Variants in ANKRD17 observed in about 807,000 individuals in gnomAD.
The protein encoded by ANKRD17 is ankyrin repeat domain 17.
Under a neutral mutation model 229.7 loss-of-function variants are expected in ANKRD17, and 19 were observed. The observed-to-expected ratio is 0.08, with a 90% confidence interval of 0.06 to 0.12. The LOEUF is 0.12. ANKRD17 is among the 10% of genes least tolerant of loss of function. The pLI, the probability that ANKRD17 is intolerant of heterozygous loss-of-function variation, is 1.00. For missense variants in ANKRD17, 2,176 were observed against 3,176.8 expected (o/e 0.68, Z 7.57); for synonymous variants, 1,112 against 1,146.1 (o/e 0.97, Z 0.60).
intron 30 of ANKRD17, among the ~76,000 whole-genome samples, chr4:73,080,254 A>G (rs1317853989): frequency 1.3e-5 from 2 of 152,218 alleles, no homozygotes; most frequent in African/African-American, 2.4e-5. Context: ...AGCCTATTAT[A>G]TAAGATAAAA....
At position 73,073,556 on chromosome 4, in the gene ANKRD17, G is replaced by A. The variant is rs1720842573; in HGVS notation, c.*2675C>T. On this transcript the variant is annotated 3_prime_UTR_variant, in exon 34 of 34. Transcript: ENST00000358602. ...ACGGATGGACTATTATTTTTGTGAA[G>A]AACAAGACAGGATTAGTTAATAAGC... is the stretch of plus-strand genomic sequence containing the variant. 6.6e-6 allele frequency: 1 copy of A among 151,922 alleles called. No individual in the cohort carries two copies. Among genetic ancestry groups the A allele is most frequent in the Non-Finnish European group, 1.5e-5 (1 of 67,866 alleles). The allele number at this position is 151,922 out of a possible 1,614,324, so 9.4% of individuals were successfully genotyped here. A position where few individuals can be genotyped will look rare whatever the true frequency, so the allele number is the denominator to read the frequency against.
At chr4:73,170,543 G>A (rs953888794) in intron 2 of ANKRD17, among the ~76,000 whole-genome samples, 29 of 150,862 alleles carry the variant, frequency 1.9e-4, no homozygotes, top group African/African-American at 5.3e-4. Context: ...GTCGGGGGGC[G>A]GGGGGCTGTT....
chr4:73,077,571 T>G, intron 31 of ANKRD17, 38 bp from the exon 32 acceptor site: 1 of 1,494,628 alleles, frequency 6.7e-7, no homozygotes, highest in African/African-American at 1.4e-5. Flanking sequence ...AAATAGATAA[T>G]ATTTAAAATC....
In ANKRD17 at chr4:73,121,750, G is replaced by C. The variant is rs1726750031; in HGVS notation, c.3502C>G (p.Leu1168Val). ...CSGGRQEVVE[L>V]LLARGANKEH... ...TTATTTGCCCCTCGAGCTAACAATA[G>C]CTCCACCACCTGAAAATAAAATAGA... Residue 1168 changes from leucine (L) to valine (V), a missense_variant, in exon 19 of 34, where the codon CTA (leucine) becomes GTA (valine). Leu to Val is a conservative substitution (Grantham distance 32). Transcript: ENST00000358602. 2 of 1,594,426 alleles carry C rather than the reference G, an allele frequency of 1.3e-6. No individual in the cohort carries two copies. Among genetic ancestry groups the C allele is most frequent in the African/African-American group, 1.4e-5 (1 of 73,820 alleles).
intron 19 of ANKRD17, 40 bp from the exon 20 acceptor site, chr4:73,121,134 A>T (rs1289716088): frequency 6.6e-7 from 1 of 1,511,146 alleles, no homozygotes; most frequent in East Asian, 2.3e-5. Context: ...GGAAAAATAT[A>T]TATTTTAAAT....
At chr4:73,164,544 G>A (rs1360545386) in intron 2 of ANKRD17, among the ~76,000 whole-genome samples, 1 of 152,172 alleles carries the variant, frequency 6.6e-6, no homozygotes, top group Admixed American at 6.5e-5. Flanking sequence ...GCTTACGCCT[G>A]TAATCCTACT....
chr4:73,216,848 C>A (rs973150338), intron 1 of ANKRD17, among the ~76,000 whole-genome samples: 2 of 152,162 alleles, frequency 1.3e-5, no homozygotes, highest in Non-Finnish European at 2.9e-5. Flanking sequence ...CAGTATTAAT[C>A]CAACCACACA....
chr4:73,197,953 A>G (rs773957694), intron 1 of ANKRD17, among the ~76,000 whole-genome samples: 14 of 152,208 alleles, frequency 9.2e-5, no homozygotes, highest in Non-Finnish European at 1.9e-4. Flanking sequence ...TATTCAGTTG[A>G]TTTCATTTGG....
At chr4:73,191,337 AT>A (rs1737043751) in intron 1 of ANKRD17, among the ~76,000 whole-genome samples, 21 of 61,918 alleles carry the variant, frequency 3.4e-4, no homozygotes, top group African/African-American at 1.4e-3. Context: ...ACCAAAAAAT[AT>A]ATATGTGTGT....
chr4:73,085,018 T>C (rs1721975173), intron 30 of ANKRD17, among the ~76,000 whole-genome samples: 1 of 152,030 alleles, frequency 6.6e-6, no homozygotes, highest in African/African-American at 2.4e-5. Context: ...CTGTCTCTAA[T>C]AAAAATAAAA....
At chr4:73,210,535 G>C (rs554615008) in intron 1 of ANKRD17, among the ~76,000 whole-genome samples, 1 of 152,084 alleles carries the variant, frequency 6.6e-6, no homozygotes, top group Non-Finnish European at 1.5e-5. Flanking sequence ...ATATGGCCAA[G>C]AAGCCACAAG....
chr4:73,105,629 A>G (rs980994429), intron 24 of ANKRD17, among the ~76,000 whole-genome samples: 2 of 152,206 alleles, frequency 1.3e-5, no homozygotes, highest in East Asian at 3.9e-4. Context: ...TAAAATTTAA[A>G]AAAAAGAAGG....
At chr4:73,164,958 T>C (rs1376320805) in intron 2 of ANKRD17, among the ~76,000 whole-genome samples, 1 of 151,060 alleles carries the variant, frequency 6.6e-6, no homozygotes, top group Non-Finnish European at 1.5e-5. Context: ...ACTATTAAAC[T>C]TATTAAATAT....
intron 25 of ANKRD17, chr4:73,099,159 C>G (rs1723649133): frequency 7.4e-6 from 5 of 676,710 alleles, no homozygotes; most frequent in African/African-American, 1.8e-5. Flanking sequence ...TGTGTGCTGC[C>G]TGTGCCTCAC....
chr4:73,177,366 T>C lies in ANKRD17; in HGVS notation c.547+14A>G. 5.1e-6 allele frequency: 8 copies of C among 1,561,550 alleles called. No individual in the cohort carries two copies. Among genetic ancestry groups the C allele is most frequent in the South Asian group, 1.2e-5 (1 of 81,514 alleles). On this transcript the variant is annotated intron_variant, in intron 2 of 33. Transcript: ENST00000358602. ...ACATAACAAGGTAGACTTATTACTA[T>C]GTAGAGTACATACCTGCAGCTTCTA...
chr4:73,114,085 T>C (rs79456219), intron 23 of ANKRD17, among the ~76,000 whole-genome samples, 177 bp from the exon 24 acceptor site: 66 of 152,294 alleles, frequency 4.3e-4, no homozygotes, highest in African/African-American at 1.5e-3. Context: ...TAGGAATATA[T>C]ACAAATGAAG....
chr4:73,091,033 A>T lies in ANKRD17; in HGVS notation c.6595T>A (p.Ser2199Thr), dbSNP rs777565858. The T allele has an allele frequency of 6.2e-7, 1 of 1,614,230 alleles. No homozygotes were observed. The highest frequency in any genetic ancestry group is 1.1e-5 in the South Asian group (1 of 91,082). ...TGATTGACACTGAGGACTGCAACAG[A>T]TGAATTTTGCACTGAAGCTGAATTC... is the stretch of plus-strand genomic sequence containing the variant. ...HKNSASVQNS[S>T]VAVLSVNHIK... Residue 2199 changes from serine (S) to threonine (T), a missense_variant, in exon 29 of 34, where the codon TCT (serine) becomes ACT (threonine). Ser to Thr is a moderately conservative substitution (Grantham distance 58, BLOSUM62 1). Transcript: ENST00000358602.
intron 29 of ANKRD17, among the ~76,000 whole-genome samples, chr4:73,087,176 A>G (rs1386095614): frequency 6.7e-6 from 1 of 150,152 alleles, no homozygotes; most frequent in African/African-American, 2.5e-5. Context: ...GCCTCCATCT[A>G]CTGGGCTCAA....
At chr4:73,180,687 A>C (rs1361793389) in intron 1 of ANKRD17, among the ~76,000 whole-genome samples, 1 of 152,186 alleles carries the variant, frequency 6.6e-6, no homozygotes, top group Non-Finnish European at 1.5e-5. Flanking sequence ...ACAGAAAAGA[A>C]CAGGAATGAA....
Sources: gnomAD v4.1 joint callset for allele counts (sites outside exome capture counted in the v4.1 genomes callset) on GRCh38, gnomAD v4.1.1 for gene constraint, MANE v1.5 for transcripts, NCBI Gene and HGNC (gene_info 2026-07-23, HGNC 2026-07-21) for gene names.